Variants in LRP1B observed in about 807,000 individuals in gnomAD.
The protein encoded by LRP1B is low-density lipoprotein receptor-related protein 1B.
Under a neutral mutation model 556.6 loss-of-function variants are expected in LRP1B, and 217 were observed. That is an observed-to-expected ratio of 0.39 (90% CI 0.35 to 0.44). The LOEUF (loss-of-function observed/expected upper bound fraction) is 0.44, where lower values mean the gene tolerates loss of function less well. Ranked by LOEUF, LRP1B falls within the 20% of genes least tolerant of loss-of-function variation. The pLI, the probability that LRP1B is intolerant of heterozygous loss-of-function variation, is 1.00. For missense variants in LRP1B, 5,053 were observed against 5,620.8 expected (o/e 0.90, Z 3.23); for synonymous variants, 2,047 against 1,865.8 (o/e 1.10, Z -2.50).
At chr2:140,979,299 T>G (rs959958283) in intron 18 of LRP1B, among the ~76,000 whole-genome samples, 2 of 152,140 alleles carry the variant, frequency 1.3e-5, no homozygotes, top group Admixed American at 1.3e-4. Context: ...ATTTGTAAAT[T>G]TTCACTGATT....
At chr2:141,275,142 A>G (rs558761577) in intron 3 of LRP1B, among the ~76,000 whole-genome samples, 26 of 152,326 alleles carry the variant, frequency 1.7e-4, no homozygotes, top group African/African-American at 5.8e-4. Context: ...CTAAACTACA[A>G]CAAATACACA....
chr2:141,442,941 T>A (rs772381559), intron 3 of LRP1B, among the ~76,000 whole-genome samples: 56 of 152,124 alleles, frequency 3.7e-4, no homozygotes, highest in Non-Finnish European at 6.8e-4. Flanking sequence ...TAGGTATATA[T>A]CCAGTAATGG....
At chr2:140,692,953 T>G (rs1686297961) in intron 41 of LRP1B, among the ~76,000 whole-genome samples, 1 of 152,180 alleles carries the variant, frequency 6.6e-6, no homozygotes, top group Non-Finnish European at 1.5e-5. Context: ...GAATATAGTT[T>G]GAGTTGGAGA....
At chr2:140,972,117 G>A (rs544328148) in intron 18 of LRP1B, among the ~76,000 whole-genome samples, 27 of 152,182 alleles carry the variant, frequency 1.8e-4, no homozygotes, top group Non-Finnish European at 3.7e-4. Context: ...GGCTTTGTTA[G>A]TCAGGTATTT....
intron 3 of LRP1B, among the ~76,000 whole-genome samples, chr2:141,325,180 G>A (rs13393221): frequency 0.053 from 8,002 of 150,878 alleles, 643 homozygotes; most frequent in African/African-American, 0.18. Context: ...CTGTTTTAGG[G>A]CTAATACCAC....
At chr2:140,312,391 T>G (rs934223583) in intron 83 of LRP1B, among the ~76,000 whole-genome samples, 13 of 152,000 alleles carry the variant, frequency 8.6e-5, no homozygotes, top group Admixed American at 4.6e-4. Flanking sequence ...TTGACTCACT[T>G]TGATATAAAC....
chr2:141,719,225 C>A (rs1045431021), intron 2 of LRP1B, among the ~76,000 whole-genome samples: 4 of 152,130 alleles, frequency 2.6e-5, no homozygotes, highest in African/African-American at 4.8e-5. Flanking sequence ...AGAAGGAGCA[C>A]TTTCAACAGT....
intron 3 of LRP1B, among the ~76,000 whole-genome samples, chr2:141,415,326 T>G (rs1314967216): frequency 6.6e-6 from 1 of 152,176 alleles, no homozygotes; most frequent in Non-Finnish European, 1.5e-5. Context: ...AATCTATTTT[T>G]TTTTCCATTT....
rs1559079457 is a variant in LRP1B at position 142,115,522 on chromosome 2, ATAATATATATATTACATATG to A, written c.82+15106_82+15125del. 1.1e-3 allele frequency among the ~76,000 whole-genome samples: 64 copies of A among 60,900 alleles called. 2 individuals are homozygous for A. Among genetic ancestry groups the A allele is most frequent in the African/African-American group, 2.7e-3 (51 of 18,974 alleles). 40.0% of individuals were successfully genotyped at this position (60,900 alleles called of 152,430 possible). A position where few individuals can be genotyped will look rare whatever the true frequency, so the allele number is the denominator to read the frequency against. ...ATAATATATATTATATATTACATATATAATATATATATTACATATGTAATATATATATTATATATGTAATA... is the reference window on the plus strand; with the variant it reads ...ATAATATATATTATATATTACATATATAATATATATATTATATATGTAATA... On this transcript the variant is annotated intron_variant, in intron 1 of 90. Coordinates refer to ENST00000389484, the MANE Select transcript of LRP1B (RefSeq NM_018557.3).
chr2:140,481,002 G>A (rs1688214156), intron 59 of LRP1B, among the ~76,000 whole-genome samples: 1 of 152,100 alleles, frequency 6.6e-6, no homozygotes, highest in Admixed American at 6.5e-5. Context: ...AGGTAGCTGG[G>A]ATTACAGGCC....
At chr2:141,454,974 A>AT (rs201551889) in intron 3 of LRP1B, among the ~76,000 whole-genome samples, 9,118 of 151,998 alleles carry the variant, frequency 0.06, 318 homozygotes, top group South Asian at 0.13. Context: ...TTGTAAATGT[A>AT]TTTTTTTTCT....
At chr2:141,418,433 T>TTTTA (rs1244444291) in intron 3 of LRP1B, among the ~76,000 whole-genome samples, 1 of 41,362 alleles carries the variant, frequency 2.4e-5, no homozygotes, top group African/African-American at 2.1e-4. Flanking sequence ...GAGCACAATA[T>TTTTA]TTTTTTTTTT....
At chr2:142,074,476 A>C (rs1705430248) in intron 1 of LRP1B, among the ~76,000 whole-genome samples, 1 of 152,064 alleles carries the variant, frequency 6.6e-6, no homozygotes, top group Non-Finnish European at 1.5e-5. Context: ...TTGGCTGAAT[A>C]GTCTCTTTTA....
At chr2:141,086,028 A>G (rs1451057724) in intron 7 of LRP1B, among the ~76,000 whole-genome samples, 6 of 152,200 alleles carry the variant, frequency 3.9e-5, no homozygotes, top group African/African-American at 1.2e-4. Flanking sequence ...GTTTTCATGC[A>G]TGCCAGAGGA....
intron 2 of LRP1B, among the ~76,000 whole-genome samples, chr2:141,610,520 T>C (rs1193380115): frequency 6.6e-6 from 1 of 152,180 alleles, no homozygotes. Flanking sequence ...CTTTAGATCT[T>C]TCTATGTCAG....
chr2:141,757,539 T>C (rs1385725575), intron 2 of LRP1B, among the ~76,000 whole-genome samples: 1 of 152,016 alleles, frequency 6.6e-6, no homozygotes, highest in Non-Finnish European at 1.5e-5. Context: ...CATTTATTGG[T>C]TGAGGAGTAA....
At chr2:141,339,180 G>T (rs1479648104) in intron 3 of LRP1B, among the ~76,000 whole-genome samples, 1 of 150,194 alleles carries the variant, frequency 6.7e-6, no homozygotes, top group Non-Finnish European at 1.5e-5. Context: ...TTTCAAAAAA[G>T]ATATTGTTTT....
At chr2:140,929,056 T>A (rs937451377) in intron 20 of LRP1B, among the ~76,000 whole-genome samples, 1 of 152,088 alleles carries the variant, frequency 6.6e-6, no homozygotes, top group African/African-American at 2.4e-5. Flanking sequence ...TTAATTTACA[T>A]TGCTTAAAGT....
chr2:141,960,507 G>A (rs62157573), intron 1 of LRP1B, among the ~76,000 whole-genome samples: 11,251 of 151,780 alleles, frequency 0.074, 605 homozygotes, highest in Non-Finnish European at 0.11. Context: ...TACTATTTCC[G>A]ACTTTTATAG....
Sources: allele counts gnomAD v4.1 joint callset (sites outside exome capture counted in the v4.1 genomes callset), GRCh38; gene constraint gnomAD v4.1.1; transcripts MANE v1.5; gene names NCBI Gene and HGNC (gene_info 2026-07-23, HGNC 2026-07-21).